BDP1: variants seen among roughly 807,000 people sequenced by gnomAD.
BDP1 encodes the protein BDP1 general transcription factor IIIB subunit.
A neutral mutation model predicts 266.6 loss-of-function variants in BDP1; 169 were observed. The observed-to-expected ratio is 0.63, with a 90% CI of 0.56 to 0.72. The LOEUF is 0.72. Ranked by LOEUF, BDP1 falls within the 30% of genes least tolerant of loss-of-function variation. The probability of loss-of-function intolerance (pLI) is 0.00; values close to 1 mark genes in which losing one functional copy is unlikely to be tolerated. For synonymous variants in BDP1, 1,090 were observed against 1,022.4 expected (o/e 1.07, Z -1.26); for missense variants, 3,015 against 3,053.8 (o/e 0.99, Z 0.30).
chr5:71,490,131 CACTT>C lies in BDP1; in HGVS notation c.1492+451_1492+454del, dbSNP rs145469373. ...TACTCTTTGAATGCAAACATATTGC[CACTT>C]ATGAGTTGCTTGGGGATGAGGGCTA... On this transcript the variant is annotated intron_variant, in intron 10 of 38. Coordinates refer to ENST00000358731, the MANE Select transcript of BDP1 (RefSeq NM_018429.3). 3.0e-3 allele frequency among the ~76,000 whole-genome samples: 454 copies of C among 152,194 alleles called. 1 individual carries two copies. Among genetic ancestry groups the C allele is most frequent in the African/African-American group, 0.011 (440 of 41,514 alleles).
chr5:71,516,357 G>T, intron 21 of BDP1, 86 bp downstream of exon 21: 1 of 972,306 alleles, frequency 1.0e-6, no homozygotes, highest in Non-Finnish European at 1.5e-6. Flanking sequence ...AGAAATACAG[G>T]CATCTGACAC....
At position 71,532,401 on chromosome 5, in the gene BDP1, CAAG is replaced by C. The variant is rs1766300154; in HGVS notation, c.5872_5874del (p.Glu1958del). On this transcript the variant is annotated inframe_deletion, in exon 26 of 39. Coordinates refer to ENST00000358731, the MANE Select transcript of BDP1 (RefSeq NM_018429.3). ...AGATGTGACTACTGAAGAAATGAAACAAGAAGAAAATTTGAGTGTACCGTTTGT... is the reference window on the plus strand; with the variant it reads ...AGATGTGACTACTGAAGAAATGAAACAAGAAAATTTGAGTGTACCGTTTGT... The C allele has an allele frequency of 1.2e-6, 2 of 1,613,282 alleles. No homozygotes were observed. Among genetic ancestry groups the C allele is most frequent in the African/African-American group, 1.3e-5 (1 of 74,886 alleles).
At chr5:71,572,521 T>C (rs1744301228), downstream of BDP1, among the ~76,000 whole-genome samples, 1 of 152,182 alleles carries the variant, frequency 6.6e-6, no homozygotes. Flanking sequence ...AAAAAGGTAC[T>C]AGGAGCAGTG....
intron 1 of BDP1, 33 bp downstream of exon 1, chr5:71,456,122 G>C (rs1489943079): frequency 1.9e-6 from 3 of 1,581,756 alleles, no homozygotes. Context: ...ATTTTCATTT[G>C]TCCCGCCTCT....
At chr5:71,544,250 A>G in intron 30 of BDP1, 107 bp from the exon 31 acceptor site, 1 of 1,004,574 alleles carries the variant, frequency 1.0e-6, no homozygotes, top group Non-Finnish European at 1.4e-6. Context: ...AGAAGTTTGG[A>G]AGAGTCACTA....
chr5:71,566,323 C>T lies in BDP1; in HGVS notation c.*1438C>T, dbSNP rs890141437. 1.1e-4 allele frequency: 17 copies of T among 152,534 alleles called. No individual in the cohort carries two copies. Among genetic ancestry groups the T allele is most frequent in the African/African-American group, 3.1e-4 (13 of 41,520 alleles). The allele number at this position is 152,534 out of a possible 1,614,324, so 9.4% of individuals were successfully genotyped here. A position where few individuals can be genotyped will look rare whatever the true frequency, so the allele number is the denominator to read the frequency against. On this transcript the variant is annotated 3_prime_UTR_variant, in exon 39 of 39. Transcript: ENST00000358731. ...CAAGGAACACTTGGATCTTTAAGCA[C>T]GGAACATAATCATGATGTTAAAAAC...
chr5:71,515,937 C>A, intron 20 of BDP1, 124 bp from the exon 21 acceptor site: 1 of 610,686 alleles, frequency 1.6e-6, no homozygotes, highest in Non-Finnish European at 2.8e-6. Flanking sequence ...AAGCAATTTC[C>A]CTTTAATGGT....
intron 16 of BDP1, among the ~76,000 whole-genome samples, chr5:71,507,806 C>T (rs1251373685): frequency 6.6e-6 from 1 of 152,206 alleles, no homozygotes; most frequent in African/African-American, 2.4e-5. Context: ...GATATAAACA[C>T]TTCAGTTATG....
At chr5:71,463,323 T>C (rs1761690842) in intron 3 of BDP1, among the ~76,000 whole-genome samples, 1 of 152,150 alleles carries the variant, frequency 6.6e-6, no homozygotes, top group Non-Finnish European at 1.5e-5. Flanking sequence ...GTATTGTTGA[T>C]GGTTTAGCAG....
the BDP1 span, among the ~76,000 whole-genome samples, chr5:71,577,312 T>G: frequency 6.6e-6 from 1 of 152,256 alleles, no homozygotes; most frequent in African/African-American, 2.4e-5. Flanking sequence ...TAATAATTTC[T>G]GTTGTGATGT....
intron 7 of BDP1, among the ~76,000 whole-genome samples, chr5:71,478,156 A>T (rs1387080006): frequency 6.6e-6 from 1 of 152,134 alleles, no homozygotes; most frequent in Non-Finnish European, 1.5e-5. Flanking sequence ...AGGCTGAGGC[A>T]GGAGAGTCGC....
chr5:71,471,138 C>CTTTTTTTT (rs869292040), intron 7 of BDP1, among the ~76,000 whole-genome samples: 2 of 115,070 alleles, frequency 1.7e-5, no homozygotes, highest in African/African-American at 6.9e-5. Flanking sequence ...TTAAGGGTAG[C>CTTTTTTTT]TTTTTTTTTT....
chr5:71,513,623 A>G (rs1765060323), intron 19 of BDP1, among the ~76,000 whole-genome samples: 1 of 152,168 alleles, frequency 6.6e-6, no homozygotes, highest in South Asian at 2.1e-4. Flanking sequence ...GTTGTGGGAA[A>G]GCGTTCAGGT....
At chr5:71,484,613 A>G (rs1763148012) in intron 8 of BDP1, among the ~76,000 whole-genome samples, 1 of 152,202 alleles carries the variant, frequency 6.6e-6, no homozygotes, top group African/African-American at 2.4e-5. Context: ...TAAAATTAAC[A>G]TATTTTTCTT....
intron 38 of BDP1, among the ~76,000 whole-genome samples, chr5:71,564,321 G>T (rs901354864): frequency 8.4e-5 from 3 of 35,884 alleles, no homozygotes; most frequent in Non-Finnish European, 1.9e-4. Context: ...TTTGTCATGG[G>T]TCTGTCTATT....
chr5:71,496,175 G>GA lies in BDP1; in HGVS notation c.1799+769dup, dbSNP rs552869221. ...GAGAATGGCGTGAACCTGGGAGGTA[G>GA]AACCTGCAGTGAGCTGAGATCATGC... On this transcript the variant is annotated intron_variant, in intron 12 of 38. Transcript: ENST00000358731. Among the ~76,000 whole-genome samples the GA allele has an allele frequency of 2.5e-3, 368 of 147,662 alleles. 2 individuals are homozygous for GA. Among genetic ancestry groups the GA allele is most frequent in the African/African-American group, 8.2e-3 (330 of 40,080 alleles).
chr5:71,470,291 A>G, intron 6 of BDP1, 104 bp from the exon 7 acceptor site: 1 of 813,924 alleles, frequency 1.2e-6, no homozygotes, highest in Middle Eastern at 3.3e-4. Context: ...TTGCATGGGG[A>G]TCTTTCTAGT....
chr5:71,549,626 G>C lies in BDP1; in HGVS notation c.6995+20G>C. ...CATGAGGTAACGAATGAGTGAAACT[G>C]TTTTTGCTAGGAGGAAAAGTGATTT... On this transcript the variant is annotated intron_variant, in intron 34 of 38. Transcript: ENST00000358731. The C allele has an allele frequency of 1.9e-6, 3 of 1,572,258 alleles. No homozygotes were observed. Among genetic ancestry groups the C allele is most frequent in the Non-Finnish European group, 2.6e-6 (3 of 1,157,816 alleles).
At chr5:71,546,339 C>G (rs1477438854) in intron 32 of BDP1, among the ~76,000 whole-genome samples, 1 of 151,978 alleles carries the variant, frequency 6.6e-6, no homozygotes, top group Non-Finnish European at 1.5e-5. Context: ...AAATACTTGG[C>G]TGGGTGGGGT....
Sources: gnomAD v4.1 joint callset for allele counts (sites outside exome capture counted in the v4.1 genomes callset) on GRCh38, gnomAD v4.1.1 for gene constraint, MANE v1.5 for transcripts, NCBI Gene and HGNC (gene_info 2026-07-23, HGNC 2026-07-21) for gene names.